Variants in ZNF43 observed in about 807,000 individuals in gnomAD.
ZNF43 encodes the protein zinc finger protein 39-like 1 (KOX 27).
In ZNF43, 44 loss-of-function variants were observed where a neutral mutation model predicts 68.4. The observed-to-expected ratio is 0.64, with a 90% CI of 0.51 to 0.83. The LOEUF (loss-of-function observed/expected upper bound fraction) is 0.83, where lower values mean the gene tolerates loss of function less well. Among genes scored for constraint, ZNF43 ranks in the 40% least tolerant of loss-of-function variants. ZNF43 has a pLI of 0.00. For synonymous variants in ZNF43, 308 were observed against 307.8 expected, an observed-to-expected ratio of 1.00 and a Z score of -0.01; for missense variants, 896 against 933.2, an observed-to-expected ratio of 0.96 and a Z score of 0.52.
intron 1 of ZNF43, among the ~76,000 whole-genome samples, chr19:21,821,311 A>AT (rs967682515): frequency 1.2e-4 from 18 of 151,112 alleles, no homozygotes; most frequent in African/African-American, 2.9e-4. Flanking sequence ...ACGCCCTGCT[A>AT]TTTTTTTTGT....
intron 1 of ZNF43, among the ~76,000 whole-genome samples, chr19:21,821,376 C>T (rs1317650014): frequency 3.3e-5 from 5 of 151,992 alleles, no homozygotes; most frequent in Admixed American, 3.3e-4. Context: ...GCCAACCAGG[C>T]TGTAATTTTT....
chr19:21,847,979 T>C (rs10425897), intron 1 of ZNF43, among the ~76,000 whole-genome samples: 25,225 of 151,018 alleles, frequency 0.17, 2,413 homozygotes, highest in Non-Finnish European at 0.22. Context: ...CACACCACCA[T>C]GCCCGGCTAA....
rs769454332 is a variant in ZNF43, at chr19:21,807,828, C to G, written c.2209G>C (p.Glu737Gln). 1.1e-5 allele frequency: 17 copies of G among 1,613,088 alleles called. No individual in the cohort carries two copies. The highest frequency in any genetic ancestry group is 1.4e-5 in the Non-Finnish European group (17 of 1,179,634). ...TAGTTAAATGCTTTGCCACATTCTT[C>G]ACATTTGTAGGGTTGCTCTCCAGTA... is the stretch of plus-strand genomic sequence containing the variant. ...IHTGEQPYKC[E>Q]ECGKAFNYSS... The change falls in exon 4 of 4, where the codon GAA becomes CAA. Residue 737 changes from glutamate (E) to glutamine (Q), a missense_variant. Physicochemically the swap from Glu to Gln is conservative, Grantham distance 29. Coordinates refer to ENST00000354959, the MANE Select transcript of ZNF43 (RefSeq NM_003423.4).
chr19:21,832,472 G>C (rs952689599), intron 1 of ZNF43, among the ~76,000 whole-genome samples: 4 of 152,138 alleles, frequency 2.6e-5, no homozygotes, highest in African/African-American at 9.7e-5. Context: ...ATAAGAACCA[G>C]AAGATTTCAT....
upstream of ZNF43, chr19:21,840,890 GAA>G (rs1967478420): frequency 6.6e-6 from 1 of 152,174 alleles, no homozygotes; most frequent in Non-Finnish European, 1.5e-5. Flanking sequence ...TGGGTCTAGA[GAA>G]AAGAGTTCTC....
chr19:21,842,281 T>C (rs79588814), intron 1 of ZNF43, among the ~76,000 whole-genome samples: 239 of 151,696 alleles, frequency 1.6e-3, no homozygotes, highest in Non-Finnish European at 2.5e-3. Context: ...TGGTGGTGCA[T>C]GCCTGTAGCC....
intron 1 of ZNF43, among the ~76,000 whole-genome samples, chr19:21,835,658 TCTC>T (rs1263428273): frequency 6.6e-6 from 1 of 151,962 alleles, no homozygotes; most frequent in Admixed American, 6.5e-5. Context: ...CCCGGCCGAC[TCTC>T]CTGTTTCTAA....
At chr19:21,812,273 C>T (rs375695809) in intron 3 of ZNF43, among the ~76,000 whole-genome samples, 15 of 152,176 alleles carry the variant, frequency 9.9e-5, no homozygotes, top group African/African-American at 1.7e-4. Context: ...ATTACAGGCG[C>T]GCACCACCAC....
At position 21,809,577 on chromosome 19, in the gene ZNF43, C is replaced by A; in HGVS notation, c.460G>T (p.Ala154Ser). 6.2e-7 allele frequency: 1 copy of A among 1,611,688 alleles called. No individual in the cohort carries two copies. ...TTTGAATTTGAAAATTTATGAAAGG[C>A]TTTCACACATTTATCAAATAGAAAT... is the stretch of plus-strand genomic sequence containing the variant. The part of the protein sequence containing the change: ...KIFLFDKCVK[A>S]FHKFSNSNRH... The change falls in exon 4 of 4, where the codon GCC becomes TCC. Residue 154 changes from alanine (A) to serine (S), a missense_variant. Ala to Ser is a moderately conservative substitution (Grantham distance 99, BLOSUM62 1). Transcript: ENST00000354959.
chr19:21,849,108 G>A (rs1287144661), intron 1 of ZNF43, among the ~76,000 whole-genome samples: 1 of 152,104 alleles, frequency 6.6e-6, no homozygotes, highest in African/African-American at 2.4e-5. Flanking sequence ...TTGGTGGGGT[G>A]GGCAAAGAAG....
At chr19:21,841,764 C>T (rs951438087) in intron 1 of ZNF43, 1 of 152,198 alleles carries the variant, frequency 6.6e-6, no homozygotes, top group Non-Finnish European at 1.5e-5. Context: ...ACAATCCTCC[C>T]CTTTTACAGG....
At chr19:21,836,351 C>A, upstream of ZNF43, 2 of 980,822 alleles carry the variant, frequency 2.0e-6, no homozygotes, top group Non-Finnish European at 2.7e-6. Context: ...AGAATGACAG[C>A]CTAGGCTGCC....
intron 1 of ZNF43, among the ~76,000 whole-genome samples, chr19:21,844,921 A>AAATATAT (rs1310761266): frequency 4.1e-3 from 106 of 26,030 alleles, no homozygotes; most frequent in Non-Finnish European, 5.1e-3. Context: ...AAAAAAAAAA[A>AAATATAT]ATATATATAT....
Position 21,807,554 on chromosome 19 carries a change from T to A in ZNF43, c.*53A>T, listed in dbSNP as rs1180266323. 6.9e-7 allele frequency: 1 copy of A among 1,443,724 alleles called. No homozygotes were observed. Among genetic ancestry groups the A allele is most frequent in the East Asian group, 2.3e-5 (1 of 43,048 alleles). The allele number at this position is 1,443,724 out of a possible 1,614,324, so 89.4% of individuals were successfully genotyped here. On this transcript the variant is annotated 3_prime_UTR_variant, in exon 4 of 4. Transcript: ENST00000354959. ...TACCTACAATCAAGTGTGACAACCATGTAAAGCCTTTATCACATTCTTTAC... is the reference window on the plus strand; with the variant it reads ...TACCTACAATCAAGTGTGACAACCAAGTAAAGCCTTTATCACATTCTTTAC...
chr19:21,844,911 AAAAAAAAAAAATATATATAT>A (rs946845357), intron 1 of ZNF43, among the ~76,000 whole-genome samples: 5 of 103,652 alleles, frequency 4.8e-5, no homozygotes, highest in Non-Finnish European at 9.3e-5. Context: ...AAAAAAAAAA[AAAAAAAAAAAATATATATAT>A]ATATATATAT....
chr19:21,838,741 T>A (rs533690924), upstream of ZNF43: 1 of 152,136 alleles, frequency 6.6e-6, no homozygotes, highest in Non-Finnish European at 1.5e-5. Context: ...TACTCTAGAC[T>A]TTTTTCATAA....
chr19:21,817,869 C>A lies in ZNF43; in HGVS notation c.229+19G>T. On this transcript the variant is annotated intron_variant, in intron 3 of 3. Coordinates refer to ENST00000354959, the MANE Select transcript of ZNF43 (RefSeq NM_003423.4). Reference sequence around the variant, plus strand: ...ACTTCTCATCTGTGTTTGTTGTATTCACTTTCACTCTCACCTACCTGGGGG... The same window carrying A: ...ACTTCTCATCTGTGTTTGTTGTATTAACTTTCACTCTCACCTACCTGGGGG... 6.2e-7 allele frequency: 1 copy of A among 1,605,426 alleles called. No individual in the cohort carries two copies. Among genetic ancestry groups the A allele is most frequent in the Non-Finnish European group, 8.5e-7 (1 of 1,172,742 alleles).
chr19:21,844,921 A>AAAAAAAAAAAT (rs1310761266), intron 1 of ZNF43, among the ~76,000 whole-genome samples: 4 of 26,050 alleles, frequency 1.5e-4, no homozygotes, highest in African/African-American at 8.7e-4. Flanking sequence ...AAAAAAAAAA[A>AAAAAAAAAAAT]ATATATATAT....
At chr19:21,826,203 T>C (rs1025048558) in intron 1 of ZNF43, among the ~76,000 whole-genome samples, 1 of 152,146 alleles carries the variant, frequency 6.6e-6, no homozygotes, top group Middle Eastern at 3.2e-3. Context: ...TTAGGGGACA[T>C]CATACACTTT....
Sources: gnomAD v4.1 joint callset for allele counts (sites outside exome capture counted in the v4.1 genomes callset) on GRCh38, gnomAD v4.1.1 for gene constraint, MANE v1.5 for transcripts, NCBI Gene and HGNC (gene_info 2026-07-23, HGNC 2026-07-21) for gene names.